ZNF727: variants seen among roughly 807,000 people sequenced by gnomAD.
ZNF727 encodes the protein zinc finger protein 727.
Under a neutral mutation model 11.5 loss-of-function variants are expected in ZNF727, and 11 were observed. That is an observed-to-expected ratio of 0.95 (90% CI 0.60 to 1.58). The LOEUF (loss-of-function observed/expected upper bound fraction) is 1.58. ZNF727 is among the 40% of genes most tolerant of loss of function. ZNF727 has a pLI of 0.00. For synonymous variants in ZNF727, 171 were observed against 196.1 expected (o/e 0.87, Z 1.07); for missense variants, 533 against 581.7 (o/e 0.92, Z 0.86).
At chr7:64,065,044 T>G (rs1789840963) in intron 1 of ZNF727, among the ~76,000 whole-genome samples, 1 of 152,154 alleles carries the variant, frequency 6.6e-6, no homozygotes, top group African/African-American at 2.4e-5. Context: ...AGGAAGATGC[T>G]TCTTATTTGG....
At position 64,082,958 on chromosome 7, in the gene ZNF727, C is replaced by T. The variant is rs569425822; in HGVS notation, c.*4409C>T. 2.6e-5 allele frequency among the ~76,000 whole-genome samples: 4 copies of T among 152,316 alleles called. No individual in the cohort carries two copies. Among genetic ancestry groups the T allele is most frequent in the Middle Eastern group, 6.8e-3 (2 of 294 alleles). On this transcript the variant is annotated 3_prime_UTR_variant, in exon 4 of 4. Transcript: ENST00000456806. ...GCTGTGCAGAAGTACCACTTCCACC[C>T]CCAGTTTATTTGGACTCTTCAAAGC...
chr7:64,053,180 C>T (rs996348043), intron 1 of ZNF727, among the ~76,000 whole-genome samples: 2 of 152,098 alleles, frequency 1.3e-5, no homozygotes, highest in African/African-American at 2.4e-5. Flanking sequence ...TGTGTCCCCA[C>T]CCAAATCTCA....
rs1424831152 is a variant in ZNF727 at position 64,073,639 on chromosome 7, CA to C, written c.227-3636del. Among the ~76,000 whole-genome samples the C allele has an allele frequency of 2.6e-5, 4 of 152,012 alleles. No individual in the cohort carries two copies. In the East Asian group the frequency reaches 7.7e-4, roughly 29 times the overall value. On this transcript the variant is annotated intron_variant, in intron 3 of 3. Transcript: ENST00000456806. Reference sequence around the variant, plus strand: ...TTTTTGAAATTTGGAAACTTAAAAACAGCCATCTAATCTAATATTTAAAGAC... The same window carrying C: ...TTTTTGAAATTTGGAAACTTAAAAACGCCATCTAATCTAATATTTAAAGAC...
In ZNF727 at chr7:64,083,937, T is replaced by C. The variant is rs553084646; in HGVS notation, c.*5388T>C. On this transcript the variant is annotated 3_prime_UTR_variant, in exon 4 of 4. Coordinates refer to ENST00000456806, the MANE Select transcript of ZNF727 (RefSeq NM_001159522.3). ...CTTCTACTTTTTTATATTAAAATAA[T>C]TTATTTTCAAAGGCAAATATTGATG... Among the ~76,000 whole-genome samples the C allele has an allele frequency of 6.6e-6, 1 of 152,332 alleles. No homozygotes were observed. Among genetic ancestry groups the C allele is most frequent in the South Asian group, 2.1e-4 (1 of 4,828 alleles).
chr7:64,066,970 CAG>C (rs1789879509), intron 1 of ZNF727, among the ~76,000 whole-genome samples: 1 of 152,008 alleles, frequency 6.6e-6, no homozygotes, highest in South Asian at 2.1e-4. Context: ...ACTAAACAAA[CAG>C]AATGAGAGAA....
Position 64,045,437 on chromosome 7 carries a change from C to T in ZNF727, c.-185C>T, listed in dbSNP as rs886262782. 2 of 800,164 alleles carry T rather than the reference C, an allele frequency of 2.5e-6. No individual in the cohort carries two copies. The highest frequency in any genetic ancestry group is 3.4e-5 in the African/African-American group (2 of 58,210). The allele number at this position is 800,164 out of a possible 1,614,324, so 49.6% of individuals were successfully genotyped here. On this transcript the variant is annotated 5_prime_UTR_variant, in exon 1 of 4. Transcript: ENST00000456806. ...GCGCAGCTAGAGAGGAAGAGGCGGG[C>T]TCTTCAATATGGCAAGGCCTTCGTC... is the stretch of plus-strand genomic sequence containing the variant.
chr7:64,051,355 A>G (rs575837069), intron 1 of ZNF727, among the ~76,000 whole-genome samples: 1 of 152,300 alleles, frequency 6.6e-6, no homozygotes, highest in Admixed American at 6.5e-5. Flanking sequence ...CAAATGGGGT[A>G]CAATCTATAT....
intron 3 of ZNF727, among the ~76,000 whole-genome samples, 193 bp from the exon 4 acceptor site, chr7:64,077,083 G>T (rs1388908471): frequency 6.6e-6 from 1 of 152,116 alleles, no homozygotes; most frequent in East Asian, 1.9e-4. Flanking sequence ...ATGCTTAACT[G>T]GTTCTTACAC....
At chr7:64,052,193 G>C (rs1027392664) in intron 1 of ZNF727, among the ~76,000 whole-genome samples, 3 of 152,048 alleles carry the variant, frequency 2.0e-5, no homozygotes, top group African/African-American at 7.2e-5. Context: ...TATAGTGCTG[G>C]GTGAGCAATG....
At chr7:64,059,907 G>A (rs1370070576) in intron 1 of ZNF727, among the ~76,000 whole-genome samples, 1 of 152,102 alleles carries the variant, frequency 6.6e-6, no homozygotes, top group East Asian at 1.9e-4. Flanking sequence ...GACTTTGTCA[G>A]TCTCTTTAAA....
chr7:64,069,834 CTGT>C (rs1276287615), intron 3 of ZNF727, among the ~76,000 whole-genome samples: 7 of 152,030 alleles, frequency 4.6e-5, no homozygotes, highest in East Asian at 3.9e-4. Context: ...GTTGTTGCTG[CTGT>C]TGTTGTTTTT....
chr7:64,064,046 G>A (rs1346795759), intron 1 of ZNF727, among the ~76,000 whole-genome samples: 1 of 152,066 alleles, frequency 6.6e-6, no homozygotes, highest in Admixed American at 6.6e-5. Context: ...TCTGGCTCAG[G>A]GTGGTTCCAG....
At position 64,081,370 on chromosome 7, in the gene ZNF727, A is replaced by G. The variant is rs1475372301; in HGVS notation, c.*2821A>G. 6.6e-6 allele frequency among the ~76,000 whole-genome samples: 1 copy of G among 152,116 alleles called. No homozygotes were observed. Among genetic ancestry groups the G allele is most frequent in the Non-Finnish European group, 1.5e-5 (1 of 68,016 alleles). ...GGGGCTTTCTGGCTCTCTACCCGCC[A>G]AAGCTTCATCTACAATAGCAATTGC... On this transcript the variant is annotated 3_prime_UTR_variant, in exon 4 of 4. Coordinates refer to ENST00000456806, the MANE Select transcript of ZNF727 (RefSeq NM_001159522.3).
chr7:64,059,450 A>G (rs565177446), intron 1 of ZNF727, among the ~76,000 whole-genome samples: 1 of 152,224 alleles, frequency 6.6e-6, no homozygotes, highest in Non-Finnish European at 1.5e-5. Context: ...ACTTTCAGCT[A>G]TGAAGCACTC....
In ZNF727 at chr7:64,083,209, C is replaced by G. The variant is rs990859474; in HGVS notation, c.*4660C>G. On this transcript the variant is annotated 3_prime_UTR_variant, in exon 4 of 4. Coordinates refer to ENST00000456806, the MANE Select transcript of ZNF727 (RefSeq NM_001159522.3). ...GTCTTTTTAGAGCGCCTGTACTGTG[C>G]TAGGAGATCCTTTCTGTCCCCGATC... Among the ~76,000 whole-genome samples the G allele has an allele frequency of 6.6e-6, 1 of 152,156 alleles. No individual in the cohort carries two copies. The highest frequency in any genetic ancestry group is 1.5e-5 in the Non-Finnish European group (1 of 68,018).
chr7:64,067,911 A>AT (rs1789895805), intron 1 of ZNF727, among the ~76,000 whole-genome samples: 1 of 151,654 alleles, frequency 6.6e-6, no homozygotes, highest in South Asian at 2.1e-4. Flanking sequence ...TTTAAAAAAA[A>AT]GTTTAACTAA....
chr7:64,062,386 C>T (rs1789785532), intron 1 of ZNF727, among the ~76,000 whole-genome samples: 1 of 151,532 alleles, frequency 6.6e-6, no homozygotes, highest in Admixed American at 6.6e-5. Context: ...TTAATAAAAT[C>T]TCTCAGCTTG....
In ZNF727 at chr7:64,085,024, T is replaced by TC. The variant is rs1785851800; in HGVS notation, c.*6475_*6476insC. Among the ~76,000 whole-genome samples, 1 of 151,866 alleles carries TC rather than the reference T, an allele frequency of 6.6e-6. No individual in the cohort carries two copies. Among genetic ancestry groups the TC allele is most frequent in the Non-Finnish European group, 1.5e-5 (1 of 67,918 alleles). ...CTTAGAATCATCTTTTGCAAATTCT[T>TC]TTTTTGTTTGTTTGTCTGTTTTCTT... On this transcript the variant is annotated 3_prime_UTR_variant, in exon 4 of 4. Transcript: ENST00000456806.
rs369383353 is a variant in ZNF727 at position 64,078,510 on chromosome 7, G to A, written c.1461G>A (p.Lys487=). The A allele has an allele frequency of 6.4e-5, 100 of 1,561,540 alleles. 2 individuals carry two copies. The South Asian group carries it at 1.1e-3, about 16-fold the overall frequency. Residue 487 remains lysine, a synonymous_variant, in exon 4 of 4, where the codon AAG becomes AAA. Transcript: ENST00000456806. Reference sequence around the variant, plus strand: ...CTACAAGTGCAAAGAATGTGGCAAAGCCTTTAGGTGGTTCTCAGACCTTAC... The same window carrying A: ...CTACAAGTGCAAAGAATGTGGCAAAACCTTTAGGTGGTTCTCAGACCTTAC... The part of the protein sequence containing the change: ...DRPTSAKNVA[K]PLGGSQTLLN...
Sources: gnomAD v4.1 joint callset for allele counts (sites outside exome capture counted in the v4.1 genomes callset) on GRCh38, gnomAD v4.1.1 for gene constraint, MANE v1.5 for transcripts, NCBI Gene and HGNC (gene_info 2026-07-23, HGNC 2026-07-21) for gene names.